Variants in TACR1 observed in about 807,000 individuals in gnomAD.
The protein encoded by TACR1 is tachykinin receptor 1, also known as substance-P receptor.
Under a neutral mutation model 35.8 loss-of-function variants are expected in TACR1, and 25 were observed. The observed-to-expected ratio is 0.70, with a 90% CI of 0.51 to 0.98. TACR1 has a LOEUF of 0.98. Ranked by LOEUF, TACR1 falls within the 50% of genes least tolerant of loss-of-function variation. The probability of loss-of-function intolerance (pLI) is 0.00; values close to 1 mark genes in which losing one functional copy is unlikely to be tolerated. For synonymous variants in TACR1, 195 were observed against 206.7 expected (o/e 0.94, Z 0.48); for missense variants, 478 against 522.9 (o/e 0.91, Z 0.84).
Position 75,160,591 on chromosome 2 carries a change from A to T in TACR1, c.389+37955T>A, listed in dbSNP as rs201525291. Among the ~76,000 whole-genome samples, 3 of 151,762 alleles carry T rather than the reference A, an allele frequency of 2.0e-5. No homozygotes were observed. The East Asian group carries it at 5.8e-4, about 29-fold the overall frequency. ...GAAAGAGTTAAAAATGCAGTTACAA[A>T]ATCGGATTCAGCATCAGAACAGGTA... On this transcript the variant is annotated intron_variant, in intron 1 of 4. Transcript: ENST00000305249.
intron 1 of TACR1, among the ~76,000 whole-genome samples, chr2:75,139,634 A>G (rs912061049): frequency 1.3e-5 from 2 of 152,354 alleles, no homozygotes; most frequent in South Asian, 4.1e-4. Flanking sequence ...GAAGTAGAAT[A>G]TGTCAGAGCT....
rs571515375 is a variant in TACR1 at position 75,056,603 on chromosome 2, G to A, written c.585-2848C>T. Among the ~76,000 whole-genome samples, 5 of 152,282 alleles carry A rather than the reference G, an allele frequency of 3.3e-5. No homozygotes were observed. The South Asian group carries it at 1.0e-3, about 32-fold the overall frequency. ...GTGAGTAATAAAGTGTCTTTCAGTG[G>A]TAACCATGTCCTGATCTGTTGGCCA... On this transcript the variant is annotated intron_variant, in intron 2 of 4. Coordinates refer to ENST00000305249, the MANE Select transcript of TACR1 (RefSeq NM_001058.4).
intron 1 of TACR1, among the ~76,000 whole-genome samples, chr2:75,122,930 C>G (rs937910342): frequency 6.6e-6 from 1 of 152,142 alleles, no homozygotes; most frequent in African/African-American, 2.4e-5. Flanking sequence ...CTCCCCTAGA[C>G]CTGTGTCTTC....
intron 2 of TACR1, among the ~76,000 whole-genome samples, chr2:75,063,043 G>A (rs974114030): frequency 1.3e-5 from 2 of 152,152 alleles, no homozygotes; most frequent in Non-Finnish European, 2.9e-5. Context: ...TGGCAGACAG[G>A]AGAAAAACTT....
At chr2:75,149,305 G>C (rs755212728) in intron 1 of TACR1, among the ~76,000 whole-genome samples, 28 of 152,148 alleles carry the variant, frequency 1.8e-4, no homozygotes, top group Non-Finnish European at 4.1e-4. Flanking sequence ...GATGGGAATA[G>C]AAACGAATCT....
intron 1 of TACR1, among the ~76,000 whole-genome samples, chr2:75,138,302 C>CT (rs1293413148): frequency 1.3e-5 from 2 of 152,318 alleles, no homozygotes; most frequent in East Asian, 3.9e-4. Flanking sequence ...TCTTCACCAC[C>CT]TCCTATGTGC....
At chr2:75,070,900 A>G (rs1672863967) in intron 2 of TACR1, among the ~76,000 whole-genome samples, 1 of 152,244 alleles carries the variant, frequency 6.6e-6, no homozygotes, top group Non-Finnish European at 1.5e-5. Flanking sequence ...GTTCAAAGCA[A>G]GTCGCCATCT....
intron 1 of TACR1, chr2:75,154,410 GCACACACACACACACA>G (rs766455987): frequency 1.2e-4 from 9 of 75,368 alleles, no homozygotes; most frequent in Admixed American, 1.5e-4. Context: ...GAGCGCGCAC[GCACACACACACACACA>G]CACACACACA....
chr2:75,146,383 A>G (rs1040527270), intron 1 of TACR1, among the ~76,000 whole-genome samples: 4 of 152,122 alleles, frequency 2.6e-5, no homozygotes, highest in Non-Finnish European at 4.4e-5. Context: ...TTGGCCCCCC[A>G]AAGTGCTGGA....
intron 2 of TACR1, among the ~76,000 whole-genome samples, chr2:75,083,100 G>A (rs1673123413): frequency 6.6e-6 from 1 of 152,168 alleles, no homozygotes; most frequent in East Asian, 1.9e-4. Context: ...ATTAATTTTT[G>A]TATAAGGTGT....
At chr2:75,160,219 C>T (rs1674971330) in intron 1 of TACR1, among the ~76,000 whole-genome samples, 2 of 148,210 alleles carry the variant, frequency 1.3e-5, no homozygotes, top group Non-Finnish European at 3.0e-5. Flanking sequence ...CCTGAGCAGA[C>T]CTTTGCACAT....
At position 75,054,669 on chromosome 2, in the gene TACR1, T is replaced by C. The variant is rs115161531; in HGVS notation, c.585-914A>G. On this transcript the variant is annotated intron_variant, in intron 2 of 4. Coordinates refer to ENST00000305249, the MANE Select transcript of TACR1 (RefSeq NM_001058.4). ...GGGAAAATATATTTTTCTTGGGGGT[T>C]TGGGGGTCCTTGGTTTGTCTGGTTA... Among the ~76,000 whole-genome samples, 522 of 152,262 alleles carry C rather than the reference T, an allele frequency of 3.4e-3. 2 individuals are homozygous for C. The highest frequency in any genetic ancestry group is 0.012 in the African/African-American group (486 of 41,536).
At position 75,046,579 on chromosome 2, in the gene TACR1, G is replaced by A. The variant is rs1216795016; in HGVS notation, c.*2853C>T. The A allele has an allele frequency of 1.3e-5, 2 of 152,080 alleles. No individual in the cohort carries two copies. The highest frequency in any genetic ancestry group is 2.9e-5 in the Non-Finnish European group (2 of 68,054). 9.4% of individuals were successfully genotyped at this position (152,080 alleles called of 1,614,324 possible). A position where few individuals can be genotyped will look rare whatever the true frequency, so the allele number is the denominator to read the frequency against. Reference sequence around the variant, plus strand: ...TTATACTCCTCTCCTCACAAATCAGGCCAATGAGGTCAGTTCCTGAGTCCC... The same window carrying A: ...TTATACTCCTCTCCTCACAAATCAGACCAATGAGGTCAGTTCCTGAGTCCC... On this transcript the variant is annotated 3_prime_UTR_variant, in exon 5 of 5. Transcript: ENST00000305249.
chr2:75,123,629 C>T (rs1259479378), intron 1 of TACR1, among the ~76,000 whole-genome samples: 1 of 152,150 alleles, frequency 6.6e-6, no homozygotes, highest in Non-Finnish European at 1.5e-5. Flanking sequence ...AAAAGACTGG[C>T]TTTAAAAAAT....
chr2:75,097,464 C>T (rs1322952794), intron 2 of TACR1, among the ~76,000 whole-genome samples: 1 of 151,710 alleles, frequency 6.6e-6, no homozygotes, highest in East Asian at 1.9e-4. Flanking sequence ...TAAACTTTCT[C>T]TTACCTAATA....
At chr2:75,159,062 A>C (rs1263873784) in intron 1 of TACR1, among the ~76,000 whole-genome samples, 2 of 150,682 alleles carry the variant, frequency 1.3e-5, no homozygotes, top group Non-Finnish European at 3.0e-5. Flanking sequence ...TTTTTTTTTA[A>C]TGTTTTAGAG....
chr2:75,073,421 C>T lies in TACR1; in HGVS notation c.585-19666G>A, dbSNP rs548227649. On this transcript the variant is annotated intron_variant, in intron 2 of 4. Transcript: ENST00000305249. ...GCCAACTTCTTTGGACTGACATCCC[C>T]CTTCAAGGGAGTAAGTGTGTGTGGC... 2.6e-5 allele frequency among the ~76,000 whole-genome samples: 4 copies of T among 152,316 alleles called. No homozygotes were observed. The South Asian group carries it at 8.3e-4, about 32-fold the overall frequency.
At chr2:75,111,869 A>G (rs1015110135) in intron 2 of TACR1, among the ~76,000 whole-genome samples, 1 of 151,958 alleles carries the variant, frequency 6.6e-6, no homozygotes, top group African/African-American at 2.4e-5. Context: ...TATGAGAGAG[A>G]GAGAGAGAAA....
intron 1 of TACR1, among the ~76,000 whole-genome samples, chr2:75,184,129 T>C (rs1471758698): frequency 6.6e-6 from 1 of 152,170 alleles, no homozygotes; most frequent in African/African-American, 2.4e-5. Context: ...TCTAATAGTG[T>C]GCTAAAAGGA....
Sources: gnomAD v4.1 joint callset for allele counts (sites outside exome capture counted in the v4.1 genomes callset) on GRCh38, gnomAD v4.1.1 for gene constraint, MANE v1.5 for transcripts, NCBI Gene and HGNC (gene_info 2026-07-23, HGNC 2026-07-21) for gene names.